CYBC1: variants seen among roughly 807,000 people sequenced by gnomAD.
The protein encoded by CYBC1 is essential for reactive oxygen species protein.
A neutral mutation model predicts 21.7 loss-of-function variants in CYBC1; 22 were observed. The observed-to-expected ratio is 1.02, with a 90% CI of 0.73 to 1.45. The LOEUF is 1.45. CYBC1 is among the 40% of genes most tolerant of loss of function. The pLI, the probability that CYBC1 is intolerant of heterozygous loss-of-function variation, is 0.00. For synonymous variants in CYBC1, 112 were observed against 98.7 expected, an observed-to-expected ratio of 1.13 and a Z score of -0.80; for missense variants, 237 against 242.1, an observed-to-expected ratio of 0.98 and a Z score of 0.14.
At chr17:82,448,820 C>T in intron 2 of CYBC1, 1 of 175,064 alleles carries the variant, frequency 5.7e-6, no homozygotes, top group South Asian at 8.1e-5. Context: ...GGTTAGTGGA[C>T]TGTGAGTCCT....
intron 5 of CYBC1, 31 bp downstream of exon 5, chr17:82,445,833 G>T (rs1424802936): frequency 5.8e-6 from 9 of 1,552,172 alleles, no homozygotes; most frequent in Non-Finnish European, 7.9e-6. Context: ...CTGTGGCCGT[G>T]TCCCATGTCC....
Position 82,442,664 on chromosome 17 carries a change from T to G in CYBC1, c.*1340A>C. 2 of 1,387,174 alleles carry G rather than the reference T, an allele frequency of 1.4e-6. No homozygotes were observed. The highest frequency in any genetic ancestry group is 2.0e-6 in the Non-Finnish European group (2 of 1,011,804). The allele number at this position is 1,387,174 out of a possible 1,614,324, so 85.9% of individuals were successfully genotyped here. ...CAGGTGACACGTGAAGGGTTATTTA[T>G]GGTTATGATGACCCTGTCCTGCAAC... On this transcript the variant is annotated 3_prime_UTR_variant, in exon 7 of 7. Coordinates refer to ENST00000306645, the MANE Select transcript of CYBC1 (RefSeq NM_001033046.4). The surrounding 1 kb of genome is among the most constrained non-coding windows in gnomAD (Gnocchi z 6.8).
intron 2 of CYBC1, chr17:82,448,850 A>C (rs1176705813): frequency 3.5e-6 from 1 of 289,454 alleles, no homozygotes; most frequent in African/African-American, 2.3e-5. Flanking sequence ...TCTGAGGACC[A>C]GGGAGGAGGA....
At position 82,447,600 on chromosome 17, in the gene CYBC1, G is replaced by T; in HGVS notation, c.107C>A (p.Ala36Asp). ...TTTACCTCCGCTGTAGTAGGCAGCA[G>T]CCAGGCCAATCGACAAGATTCCTAT... ...LLVGILSIGL[A>D]AAYYSGDSLG... is the part of the protein sequence containing the mutation. The change falls in exon 3 of 7, where the codon GCT becomes GAT. Residue 36 changes from alanine to aspartate, a missense_variant. Transcript: ENST00000306645. 6.2e-7 allele frequency: 1 copy of T among 1,600,610 alleles called. No individual in the cohort carries two copies.
chr17:82,444,692 G>A, intron 5 of CYBC1, 101 bp from the exon 6 acceptor site: 1 of 1,432,652 alleles, frequency 7.0e-7, no homozygotes, highest in South Asian at 1.3e-5. Flanking sequence ...AGCCACACTT[G>A]GTTGGCAGCA....
intron 2 of CYBC1, 51 bp downstream of exon 2, chr17:82,449,119 A>T: frequency 7.4e-7 from 1 of 1,354,240 alleles, no homozygotes; most frequent in South Asian, 1.4e-5. Flanking sequence ...TCCTTTTTGA[A>T]AGTCAGGCTT....
In CYBC1 at chr17:82,442,776, G is replaced by T. The variant is rs1209204336; in HGVS notation, c.*1228C>A. 3 of 602,580 alleles carry T rather than the reference G, an allele frequency of 5.0e-6. No homozygotes were observed. The highest frequency in any genetic ancestry group is 8.6e-6 in the Non-Finnish European group (3 of 349,708). The allele number at this position is 602,580 out of a possible 1,614,324, so 37.3% of individuals were successfully genotyped here. ...AGGTCACAGCCAGACGTGGGGCAAA[G>T]GTGTTCCCTGTCCTACCCAGCCATT... On this transcript the variant is annotated 3_prime_UTR_variant, in exon 7 of 7. Coordinates refer to ENST00000306645, the MANE Select transcript of CYBC1 (RefSeq NM_001033046.4). This position sits in a 1 kb window ranked among gnomAD's most constrained non-coding sequence, Gnocchi z 6.8.
rs777425774 is a variant in CYBC1, at chr17:82,446,714, G to A, written c.128-18C>T. 1 of 1,613,202 alleles carries A rather than the reference G, an allele frequency of 6.2e-7. No homozygotes were observed. Among genetic ancestry groups the A allele is most frequent in the African/African-American group, 1.3e-5 (1 of 74,952 alleles). On this transcript the variant is annotated intron_variant, in intron 3 of 6. Coordinates refer to ENST00000306645, the MANE Select transcript of CYBC1 (RefSeq NM_001033046.4). ...CAGGCTATCTGGAGATGGGCATAGG[G>A]CGCCAGCCTGTGAGCTCCAGGGACA...
chr17:82,446,508 C>T lies in CYBC1; in HGVS notation c.201+115G>A, dbSNP rs2054295295. On this transcript the variant is annotated intron_variant, in intron 4 of 6. Transcript: ENST00000306645. ...GACCTCCAAGCAGGGACCAACGCTT[C>T]AGGACGGGGAGGCGCTAGGCCACCC... 3 of 941,988 alleles carry T rather than the reference C, an allele frequency of 3.2e-6. No individual in the cohort carries two copies. The Admixed American group carries it at 5.8e-5, about 18-fold the overall frequency. The allele number at this position is 941,988 out of a possible 1,614,324, so 58.4% of individuals were successfully genotyped here.
chr17:82,446,845 GC>G, intron 3 of CYBC1, 149 bp from the exon 4 acceptor site: 1 of 724,098 alleles, frequency 1.4e-6, no homozygotes, highest in South Asian at 1.7e-5. Context: ...CCCTGCCCTG[GC>G]CACTCAGGAC....
intron 3 of CYBC1, chr17:82,446,915 T>A: frequency 1.7e-6 from 1 of 588,786 alleles, no homozygotes; most frequent in Non-Finnish European, 3.0e-6. Flanking sequence ...GAGAGGCAGG[T>A]GGGGCGCACA....
chr17:82,447,086 G>T (rs1330919673), intron 3 of CYBC1: 1 of 318,308 alleles, frequency 3.1e-6, no homozygotes, highest in Non-Finnish European at 5.9e-6. Context: ...GGGCGCAGTG[G>T]CTCACGCCTG....
In CYBC1 at chr17:82,444,650, G is replaced by A. The variant is rs1041101254; in HGVS notation, c.299-59C>T. Reference sequence around the variant, plus strand: ...CGCCCACACATGCTGCCCGGCAGTCGCACCAGCGCCACTGGCATCATCGAA... The same window carrying A: ...CGCCCACACATGCTGCCCGGCAGTCACACCAGCGCCACTGGCATCATCGAA... On this transcript the variant is annotated intron_variant, in intron 5 of 6. Transcript: ENST00000306645. The A allele has an allele frequency of 9.1e-4, 1,402 of 1,536,936 alleles. 18 individuals carry two copies. Among genetic ancestry groups the A allele is most frequent in the Non-Finnish European group, 6.2e-5 (70 of 1,133,544 alleles).
chr17:82,446,934 G>A, intron 3 of CYBC1: 1 of 575,724 alleles, frequency 1.7e-6, no homozygotes, highest in Non-Finnish European at 3.1e-6. Flanking sequence ...CAGGGCCTCT[G>A]CCCGTCTGGG....
rs1221195422 is a variant in CYBC1 at position 82,442,880 on chromosome 17, G to A, written c.*1124C>T. On this transcript the variant is annotated 3_prime_UTR_variant, in exon 7 of 7. Transcript: ENST00000306645. This position sits in a 1 kb window ranked among gnomAD's most constrained non-coding sequence, Gnocchi z 6.8. Reference sequence around the variant, plus strand: ...CCAGGGCATCAGGCCAGGCGCGCTCGGTGCACACCGCACCTGGGAGGACCT... The same window carrying A: ...CCAGGGCATCAGGCCAGGCGCGCTCAGTGCACACCGCACCTGGGAGGACCT... 6 of 345,978 alleles carry A rather than the reference G, an allele frequency of 1.7e-5. No homozygotes were observed. The highest frequency in any genetic ancestry group is 4.4e-5 in the Admixed American group (1 of 22,760). 21.4% of individuals were successfully genotyped at this position (345,978 alleles called of 1,614,324 possible).
chr17:82,443,565 T>A lies in CYBC1; in HGVS notation c.*439A>T. On this transcript the variant is annotated 3_prime_UTR_variant, in exon 7 of 7. Transcript: ENST00000306645. The surrounding 1 kb of genome is among the most constrained non-coding windows in gnomAD (Gnocchi z 6.7). The stretch of plus-strand genomic sequence containing the variant: ...CAAGGGCCCGGCCTGGCCCCGCCTC[T>A]CCACTCGCCCGAGGTCTTGCTGTGG... 2 of 699,084 alleles carry A rather than the reference T, an allele frequency of 2.9e-6. No individual in the cohort carries two copies. The highest frequency in any genetic ancestry group is 2.6e-6 in the Non-Finnish European group (1 of 383,428). The allele number at this position is 699,084 out of a possible 1,614,324, so 43.3% of individuals were successfully genotyped here.
intron 4 of CYBC1, 42 bp from the exon 5 acceptor site, chr17:82,446,002 CG>C: frequency 6.3e-7 from 1 of 1,583,852 alleles, no homozygotes. Flanking sequence ...CCTCCAGGAA[CG>C]GGGGCCCCGT....
intron 3 of CYBC1, 125 bp from the exon 4 acceptor site, chr17:82,446,821 T>G: frequency 1.1e-6 from 1 of 934,344 alleles, no homozygotes; most frequent in Non-Finnish European, 1.7e-6. Flanking sequence ...CTGGGCAGCT[T>G]CCTGTGCTGC....
rs2054165155 is a variant in CYBC1, at chr17:82,444,540, A to G, written c.350T>C (p.Val117Ala). The G allele has an allele frequency of 4.3e-6, 7 of 1,613,968 alleles. No individual in the cohort carries two copies. Among genetic ancestry groups the G allele is most frequent in the Non-Finnish European group, 5.9e-6 (7 of 1,179,948 alleles). Residue 117 changes from valine (V) to alanine (A), a missense_variant, in exon 6 of 7, where the codon GTC becomes GCC. Transcript: ENST00000306645. ...VRDVSVEEEKVRYFGKGYMVV... is the reference protein window; with the variant it reads ...VRDVSVEEEKARYFGKGYMVV... ...CATGTAGCCTTTCCCGAAGTACCGGACCTTCTCCTCCTCCACGCTCACATC... is the reference window on the plus strand; with the variant it reads ...CATGTAGCCTTTCCCGAAGTACCGGGCCTTCTCCTCCTCCACGCTCACATC...
Sources: gnomAD v4.1 joint callset for allele counts on GRCh38, gnomAD v4.1.1 for gene constraint, Gnocchi (gnomAD v3.1) non-coding constraint, MANE v1.5 for transcripts, NCBI Gene and HGNC (gene_info 2026-07-23, HGNC 2026-07-21) for gene names.